The following LRRC2 variants were observed in gnomAD, a reference collection of about 807,000 sequenced individuals.
The protein encoded by LRRC2 is leucine rich repeat containing 2.
LRRC2 carries 27 observed loss-of-function variants against 40.2 expected under a neutral mutation model. The ratio of observed to expected loss-of-function variants is 0.67; its 90% CI spans 0.49 to 0.93. The LOEUF is 0.93. LRRC2 is among the 40% of genes least tolerant of loss of function. The pLI is 0.00. For synonymous variants in LRRC2, 147 were observed against 158.9 expected, an observed-to-expected ratio of 0.92 and a Z score of 0.56; for missense variants, 402 against 439.6, an observed-to-expected ratio of 0.91 and a Z score of 0.76.
intron 3 of LRRC2, among the ~76,000 whole-genome samples, chr3:46,543,388 G>T (rs1366627820): frequency 6.6e-6 from 1 of 152,002 alleles, no homozygotes; most frequent in Non-Finnish European, 1.5e-5. Flanking sequence ...AGGCCGAGGC[G>T]GGCGGATCAC....
chr3:46,527,881 G>A (rs773043387), intron 6 of LRRC2, among the ~76,000 whole-genome samples: 4 of 151,950 alleles, frequency 2.6e-5, no homozygotes, highest in Non-Finnish European at 4.4e-5. Context: ...ACAGGCACAC[G>A]CCATCATGCC....
chr3:46,545,333 G>T (rs1704502929), intron 2 of LRRC2, 80 bp from the exon 3 acceptor site: 1 of 1,210,478 alleles, frequency 8.3e-7, no homozygotes, highest in African/African-American at 1.5e-5. Context: ...CAGCCACCTG[G>T]GCATAGGTGC....
chr3:46,530,014 A>T lies in LRRC2; in HGVS notation c.664T>A (p.Ser222Thr). ...GGGACACTGGAAAACTTGTTTGCTGAGATATCTACAAATGTAACTTGCTTC... is the reference window on the plus strand; with the variant it reads ...GGGACACTGGAAAACTTGTTTGCTGTGATATCTACAAATGTAACTTGCTTC... ...NLKQVTFVDISANKFSSVPIC... is the reference protein window; with the variant it reads ...NLKQVTFVDITANKFSSVPIC... Residue 222 changes from serine to threonine, a missense_variant, in exon 6 of 9, where the codon TCA becomes ACA. Coordinates refer to ENST00000395905, the MANE Select transcript of LRRC2 (RefSeq NM_024512.5). 6.2e-7 allele frequency: 1 copy of T among 1,613,760 alleles called. No homozygotes were observed. The highest frequency in any genetic ancestry group is 1.1e-5 in the South Asian group (1 of 91,062).
intron 1 of LRRC2, among the ~76,000 whole-genome samples, chr3:46,563,444 A>ACC (rs1261698001): frequency 7.0e-6 from 1 of 142,934 alleles, no homozygotes; most frequent in Non-Finnish European, 1.5e-5. Context: ...GTGCTTATCC[A>ACC]CCCCACGCCT....
intron 2 of LRRC2, among the ~76,000 whole-genome samples, chr3:46,546,571 T>A (rs1704529068): frequency 1.3e-5 from 2 of 152,218 alleles, no homozygotes; most frequent in Admixed American, 6.5e-5. Flanking sequence ...TGACTTTGAC[T>A]AAGCTATTTT....
Position 46,518,657 on chromosome 3 carries a change from C to T in LRRC2, c.*357G>A, listed in dbSNP as rs182494106. On this transcript the variant is annotated 3_prime_UTR_variant, in exon 9 of 9. Transcript: ENST00000395905. ...GATTACAGGTGTGAGCCACCACACC[C>T]GGCCCCTTTATCTTTTGATTCCTGA... The T allele has an allele frequency of 3.6e-5, 6 of 166,486 alleles. No homozygotes were observed. The highest frequency in any genetic ancestry group is 1.9e-4 in the South Asian group (1 of 5,238). 10.3% of individuals were successfully genotyped at this position (166,486 alleles called of 1,614,324 possible).
intron 7 of LRRC2, among the ~76,000 whole-genome samples, chr3:46,527,148 T>C (rs779122299): frequency 1.2e-4 from 19 of 152,212 alleles, no homozygotes; most frequent in Admixed American, 3.3e-4. Flanking sequence ...ATGTGAGCAC[T>C]GAGCAAGAGA....
At chr3:46,553,821 C>T (rs1468940307) in intron 1 of LRRC2, among the ~76,000 whole-genome samples, 3 of 152,128 alleles carry the variant, frequency 2.0e-5, no homozygotes, top group Non-Finnish European at 4.4e-5. Flanking sequence ...AGAATGTGCT[C>T]CCTATAAATG....
chr3:46,536,049 G>A (rs373361065), intron 4 of LRRC2, among the ~76,000 whole-genome samples: 9 of 152,162 alleles, frequency 5.9e-5, no homozygotes, highest in Admixed American at 1.3e-4. Flanking sequence ...TGGTGTGATC[G>A]GGGGAAACAT....
chr3:46,561,548 G>A (rs1426149103), intron 1 of LRRC2, among the ~76,000 whole-genome samples: 1 of 110,460 alleles, frequency 9.1e-6, no homozygotes, highest in Non-Finnish European at 2.0e-5. Flanking sequence ...AAAACAAAAA[G>A]AGAGGGGAGA....
At chr3:46,562,169 G>C (rs1290970821) in intron 1 of LRRC2, among the ~76,000 whole-genome samples, 1 of 152,176 alleles carries the variant, frequency 6.6e-6, no homozygotes, top group Non-Finnish European at 1.5e-5. Context: ...TTCACTCTCT[G>C]TCAGATCACT....
chr3:46,545,221 C>A lies in LRRC2; in HGVS notation c.158G>T (p.Cys53Phe). 6.2e-7 allele frequency: 1 copy of A among 1,614,168 alleles called. No homozygotes were observed. ...AGCCTGGGGGATGCCCTTCCTCCTGCATTCGGCCACAAAGTTCCACTCCTC... is the reference window on the plus strand; with the variant it reads ...AGCCTGGGGGATGCCCTTCCTCCTGAATTCGGCCACAAAGTTCCACTCCTC... ...IKEEWNFVAE[C>F]RRKGIPQAVY... is the part of the protein sequence containing the mutation. The change falls in exon 3 of 9, where the codon TGC (cysteine) becomes TTC (phenylalanine). Residue 53 changes from cysteine (C) to phenylalanine (F), a missense_variant. Physicochemically the swap from Cys to Phe is radical, Grantham distance 205 (BLOSUM62 -2). Transcript: ENST00000395905.
intron 3 of LRRC2, among the ~76,000 whole-genome samples, chr3:46,541,693 G>A (rs2107017111): frequency 6.6e-6 from 1 of 152,278 alleles, no homozygotes; most frequent in South Asian, 2.1e-4. Flanking sequence ...GGTACCCCTG[G>A]AAGTGAGAGC....
chr3:46,546,586 C>G (rs1704529470), intron 2 of LRRC2, among the ~76,000 whole-genome samples: 1 of 152,152 alleles, frequency 6.6e-6, no homozygotes, highest in Admixed American at 6.5e-5. Context: ...TATTTTATAA[C>G]TCTGTAGAGA....
At chr3:46,548,638 G>A (rs142740115) in intron 2 of LRRC2, among the ~76,000 whole-genome samples, 1 of 152,170 alleles carries the variant, frequency 6.6e-6, no homozygotes, top group Non-Finnish European at 1.5e-5. Context: ...CACAATCCCA[G>A]CCCAGATGGC....
At chr3:46,544,073 G>A (rs1241873779) in intron 3 of LRRC2, among the ~76,000 whole-genome samples, 5 of 97,922 alleles carry the variant, frequency 5.1e-5, no homozygotes, top group East Asian at 2.9e-4. Context: ...AAACCACCTC[G>A]GATCACATGG....
chr3:46,547,730 GTGTC>G (rs147525074), intron 2 of LRRC2, among the ~76,000 whole-genome samples: 1 of 142,132 alleles, frequency 7.0e-6, no homozygotes, highest in Non-Finnish European at 1.5e-5. Context: ...GTGTGTGTGT[GTGTC>G]AGCACATGAA....
At chr3:46,539,540 T>C (rs541809611) in intron 3 of LRRC2, among the ~76,000 whole-genome samples, 1 of 152,376 alleles carries the variant, frequency 6.6e-6, no homozygotes, top group South Asian at 2.1e-4. Context: ...GGTCTGTCTA[T>C]ACATTCGATT....
Position 46,539,046 on chromosome 3 carries a change from G to A in LRRC2, c.489C>T (p.Ile163=), listed in dbSNP as rs755009529. Reference sequence around the variant, plus strand: ...AAGACCCCTGCTAAGTTGACATACCGATTTCTGCTGGAAGATGTGAGATTT... The same window carrying A: ...AAGACCCCTGCTAAGTTGACATACCAATTTCTGCTGGAAGATGTGAGATTT... ...KNQISHLPAE[I]GCLKNLKELN... Residue 163 remains isoleucine, a splice_region_variant and synonymous_variant, in exon 4 of 9, where the codon ATC becomes ATT. Coordinates refer to ENST00000395905, the MANE Select transcript of LRRC2 (RefSeq NM_024512.5). 2.0e-5 allele frequency: 32 copies of A among 1,613,268 alleles called. No homozygotes were observed. The highest frequency in any genetic ancestry group is 1.8e-4 in the Admixed American group (11 of 59,802).
Sources: gnomAD v4.1 joint callset for allele counts (sites outside exome capture counted in the v4.1 genomes callset) on GRCh38, gnomAD v4.1.1 for gene constraint, MANE v1.5 for transcripts, NCBI Gene and HGNC (gene_info 2026-07-23, HGNC 2026-07-21) for gene names.